TP63: variants seen among roughly 807,000 people sequenced by gnomAD.
The protein encoded by TP63 is tumor protein p63, also known as tumor protein 63.
In TP63, 17 loss-of-function variants were observed where a neutral mutation model predicts 82.8. The ratio of observed to expected loss-of-function variants is 0.21; its 90% CI spans 0.14 to 0.31. The LOEUF is 0.31. Among genes scored for constraint, TP63 ranks in the 10% least tolerant of loss-of-function variants. The pLI, the probability that TP63 is intolerant of heterozygous loss-of-function variation, is 1.00. For missense variants in TP63, 648 were observed against 895.3 expected (o/e 0.72, Z 3.52); for synonymous variants, 330 against 321.7 (o/e 1.03, Z -0.28).
Position 189,674,084 on chromosome 3 carries a change from C to A in TP63, c.62+42507C>A, listed in dbSNP as rs183391117. Among the ~76,000 whole-genome samples the A allele has an allele frequency of 2.3e-3, 348 of 152,088 alleles. 2 individuals carry two copies. The highest frequency in any genetic ancestry group is 4.1e-3 in the Non-Finnish European group (278 of 67,958). ...TGGTGAGAAATCCAGGCTTATTTAGCCTTTTATTTACTAATAAATTCTGAA... is the reference window on the plus strand; with the variant it reads ...TGGTGAGAAATCCAGGCTTATTTAGACTTTTATTTACTAATAAATTCTGAA... On this transcript the variant is annotated intron_variant, in intron 1 of 13. Coordinates refer to ENST00000264731, the MANE Select transcript of TP63 (RefSeq NM_003722.5).
At chr3:189,621,778 A>T in the TP63 span, among the ~76,000 whole-genome samples, 1 of 152,154 alleles carries the variant, frequency 6.6e-6, no homozygotes, top group African/African-American at 2.4e-5. Flanking sequence ...ATTCAGTTCC[A>T]TGGGGAAAAT....
At chr3:189,827,256 C>G (rs574575533) in intron 4 of TP63, among the ~76,000 whole-genome samples, 3 of 152,170 alleles carry the variant, frequency 2.0e-5, no homozygotes, top group Non-Finnish European at 4.4e-5. Context: ...GTTCCCCTAG[C>G]CACCACCACC....
In TP63 at chr3:189,872,968, A is replaced by G. The variant is rs1327004251; in HGVS notation, c.1322A>G (p.Gln441Arg). 5 of 1,614,064 alleles carry G rather than the reference A, an allele frequency of 3.1e-6. No individual in the cohort carries two copies. The African/African-American group carries it at 6.7e-5, about 22-fold the overall frequency. ...TIETYRQQQQQQHQHLLQKQT... is the reference protein window; with the variant it reads ...TIETYRQQQQRQHQHLLQKQT... ...GAAACGTACAGGCAACAGCAACAGC[A>G]GCAGCACCAGCACTTACTTCAGAAA... The change falls in exon 10 of 14, where the codon CAG (glutamine) becomes CGG (arginine). Residue 441 changes from glutamine (Q) to arginine (R), a missense_variant. Coordinates refer to ENST00000264731, the MANE Select transcript of TP63 (RefSeq NM_003722.5).
intron 4 of TP63, among the ~76,000 whole-genome samples, chr3:189,828,420 T>C (rs951558836): frequency 3.3e-5 from 5 of 152,174 alleles, no homozygotes; most frequent in Non-Finnish European, 7.3e-5. Flanking sequence ...AGACATTGGT[T>C]TTAGAGGTAC....
At chr3:189,638,227 T>A (rs539212568) in intron 1 of TP63, among the ~76,000 whole-genome samples, 1 of 152,176 alleles carries the variant, frequency 6.6e-6, no homozygotes, top group Non-Finnish European at 1.5e-5. Flanking sequence ...ATTGTAGATA[T>A]GGACACTAGA....
At chr3:189,800,486 A>AC (rs1210719913) in intron 3 of TP63, among the ~76,000 whole-genome samples, 1 of 151,610 alleles carries the variant, frequency 6.6e-6, no homozygotes, top group Non-Finnish European at 1.5e-5. Flanking sequence ...AAAAAAAAAA[A>AC]AAAGAAAAAA....
chr3:189,622,717 G>A, the TP63 span, among the ~76,000 whole-genome samples: 1 of 152,208 alleles, frequency 6.6e-6, no homozygotes, highest in East Asian at 1.9e-4. Flanking sequence ...GTTAGAGCTG[G>A]GTCCATTACA....
At chr3:189,778,336 T>C (rs1041049286) in intron 3 of TP63, among the ~76,000 whole-genome samples, 1 of 152,260 alleles carries the variant, frequency 6.6e-6, no homozygotes, top group Non-Finnish European at 1.5e-5. Flanking sequence ...AATGGGTCTA[T>C]AGTTTGATGT....
chr3:189,808,449 A>G lies in TP63; in HGVS notation c.502A>G (p.Asn168Asp), dbSNP rs1228592371. ...CTCTCCATCACCCGCCATCCCCTCCAACACCGACTACCCAGGCCCGCACAG... is the reference window on the plus strand; with the variant it reads ...CTCTCCATCACCCGCCATCCCCTCCGACACCGACTACCCAGGCCCGCACAG... ...ALSPSPAIPS[N>D]TDYPGPHSFD... Residue 168 changes from asparagine (N) to aspartate (D), a missense_variant, in exon 4 of 14, where the codon AAC becomes GAC. Physicochemically the swap from Asn to Asp is conservative, Grantham distance 23. Around this residue, in one of 5 missense-constraint regions of TP63, gnomAD observed 64 missense variants for 144.2 expected, o/e 0.44. Coordinates refer to ENST00000264731, the MANE Select transcript of TP63 (RefSeq NM_003722.5). 1 of 1,613,918 alleles carries G rather than the reference A, an allele frequency of 6.2e-7. No individual in the cohort carries two copies.
At chr3:189,878,101 A>G (rs1172196126) in intron 10 of TP63, among the ~76,000 whole-genome samples, 1 of 152,038 alleles carries the variant, frequency 6.6e-6, no homozygotes, top group African/African-American at 2.4e-5. Context: ...TTGTTTGGCG[A>G]TGGTTATCAT....
the TP63 span, among the ~76,000 whole-genome samples, chr3:189,624,252 G>C: frequency 6.6e-6 from 1 of 152,016 alleles, no homozygotes; most frequent in Admixed American, 6.6e-5. Flanking sequence ...AGCAGATCAC[G>C]TAAATTTTTC....
intron 4 of TP63, among the ~76,000 whole-genome samples, chr3:189,839,368 A>G (rs1454799116): frequency 2.0e-5 from 3 of 152,198 alleles, no homozygotes; most frequent in African/African-American, 7.2e-5. Flanking sequence ...ACAAAGTGGA[A>G]CCTGGACTTC....
chr3:189,692,664 G>C (rs955257446), intron 1 of TP63, among the ~76,000 whole-genome samples: 3 of 152,094 alleles, frequency 2.0e-5, no homozygotes, highest in Non-Finnish European at 2.9e-5. Flanking sequence ...AAGACTCTAT[G>C]AACAACTGAG....
chr3:189,690,684 A>AT (rs1229110417), intron 1 of TP63, among the ~76,000 whole-genome samples: 1 of 152,162 alleles, frequency 6.6e-6, no homozygotes, highest in African/African-American at 2.4e-5. Context: ...AGGAATGATG[A>AT]TTTTGGCCTG....
At chr3:189,628,590 CA>C (rs1239363029), upstream of TP63, among the ~76,000 whole-genome samples, 8 of 152,058 alleles carry the variant, frequency 5.3e-5, no homozygotes, top group African/African-American at 1.7e-4. Flanking sequence ...TTTAAACAGG[CA>C]GGTCATGGTC....
chr3:189,865,833 A>G (rs1717657255), intron 5 of TP63, among the ~76,000 whole-genome samples: 1 of 152,198 alleles, frequency 6.6e-6, no homozygotes, highest in African/African-American at 2.4e-5. Flanking sequence ...CTAACTTGGT[A>G]TTTCACCAAG....
chr3:189,647,842 G>A (rs1419853162), intron 1 of TP63, among the ~76,000 whole-genome samples: 1 of 146,214 alleles, frequency 6.8e-6, no homozygotes, highest in African/African-American at 2.6e-5. Context: ...CAAAACAAGT[G>A]ACTAAAAAGT....
chr3:189,607,441 A>C, the TP63 span, among the ~76,000 whole-genome samples: 1 of 152,162 alleles, frequency 6.6e-6, no homozygotes, highest in Admixed American at 6.6e-5. Flanking sequence ...TTAATAGAAA[A>C]AGGTTATTTG....
chr3:189,867,298 T>A (rs1013822698), intron 6 of TP63, among the ~76,000 whole-genome samples: 5 of 152,230 alleles, frequency 3.3e-5, no homozygotes, highest in African/African-American at 1.2e-4. Flanking sequence ...GCTTGCTGTG[T>A]GGACCTTCGG....
Sources: allele counts gnomAD v4.1 joint callset (sites outside exome capture counted in the v4.1 genomes callset), GRCh38; gene constraint gnomAD v4.1.1; regional missense constraint gnomAD v4.1.1; transcripts MANE v1.5; gene names NCBI Gene and HGNC (gene_info 2026-07-23, HGNC 2026-07-21).